ADSL: variants seen among roughly 807,000 people sequenced by gnomAD.
ADSL encodes the protein adenylosuccinase.
Under a neutral mutation model 62.1 loss-of-function variants are expected in ADSL, and 44 were observed. The observed-to-expected ratio is 0.71, with a 90% confidence interval of 0.56 to 0.91. ADSL has a LOEUF of 0.91. Among genes scored for constraint, ADSL ranks in the 40% least tolerant of loss-of-function variants. The probability of loss-of-function intolerance (pLI) is 0.00; values close to 1 mark genes in which losing one functional copy is unlikely to be tolerated. For synonymous variants in ADSL, 198 were observed against 220.5 expected (o/e 0.90, Z 0.90); for missense variants, 531 against 627.4 (o/e 0.85, Z 1.64).
At chr22:40,364,598 G>C in intron 11 of ADSL, 1 of 635,948 alleles carries the variant, frequency 1.6e-6, no homozygotes, top group Admixed American at 2.4e-5. Flanking sequence ...GAAGGAATGA[G>C]GTCTGACATT....
At chr22:40,346,808 C>T in intron 1 of ADSL, 97 bp downstream of exon 1, 2 of 1,319,332 alleles carry the variant, frequency 1.5e-6, no homozygotes, top group Non-Finnish European at 2.1e-6. Flanking sequence ...CACCCCGGAG[C>T]TGCGGCCCGG....
In ADSL at chr22:40,349,941, T is replaced by C. The variant is rs149165656; in HGVS notation, c.263T>C (p.Val88Ala). ...GAAGAGAAACGTTTACGACATGATG[T>C]GATGGCTCACGTGCACACATTTGGC... ...AEEEKRLRHD[V>A]MAHVHTFGHC... The change falls in exon 2 of 13, where the codon GTG (valine) becomes GCG (alanine). Residue 88 changes from valine to alanine, a missense_variant. Val to Ala is a moderately conservative substitution (Grantham distance 64). Transcript: ENST00000623063. The C allele has an allele frequency of 1.2e-6, 2 of 1,614,188 alleles. No individual in the cohort carries two copies. Among genetic ancestry groups the C allele is most frequent in the Non-Finnish European group, 1.7e-6 (2 of 1,180,030 alleles).
At chr22:40,375,354 C>T (rs1040002291) in intron 2 of ADSL, among the ~76,000 whole-genome samples, 4 of 151,896 alleles carry the variant, frequency 2.6e-5, no homozygotes, top group Admixed American at 6.6e-5. Context: ...CCGAGGTAGG[C>T]GGATCACCTA....
chr22:40,352,534 GA>G (rs771223049), intron 2 of ADSL, among the ~76,000 whole-genome samples: 1 of 150,048 alleles, frequency 6.7e-6, no homozygotes, highest in East Asian at 1.9e-4. Flanking sequence ...ATCTTAAAAA[GA>G]AAAAAAAAGA....
At chr22:40,387,236 C>T (rs1414323905) in intron 2 of ADSL, 2 of 398,436 alleles carry the variant, frequency 5.0e-6, no homozygotes, top group Admixed American at 4.4e-5. Flanking sequence ...TCTGATACCT[C>T]CGTCTACTCA....
intron 2 of ADSL, among the ~76,000 whole-genome samples, chr22:40,386,169 C>T (rs2048410811): frequency 1.3e-5 from 2 of 151,980 alleles, no homozygotes; most frequent in African/African-American, 4.8e-5. Flanking sequence ...TGTGAGCCAC[C>T]ACCTCTCCCA....
chr22:40,346,671 C>G lies in ADSL; in HGVS notation c.113C>G (p.Thr38Arg), dbSNP rs747976292. 6.2e-7 allele frequency: 1 copy of G among 1,612,918 alleles called. No individual in the cohort carries two copies. The highest frequency in any genetic ancestry group is 8.5e-7 in the Non-Finnish European group (1 of 1,179,724). ...TTTAGCGACAGGTATAAATTCCGGA[C>G]ATGGCGGCAGCTGTGGCTGTGGCTG... ...FVFSDRYKFR[T>R]WRQLWLWLAE... Residue 38 changes from threonine to arginine, a missense_variant, in exon 1 of 13, where the codon ACA becomes AGA. Thr to Arg is a moderately conservative substitution (Grantham distance 71). Around this residue, in one of 2 missense-constraint regions of ADSL, gnomAD observed 471 missense variants for 592.9 expected, o/e 0.79. Coordinates refer to ENST00000623063, the MANE Select transcript of ADSL (RefSeq NM_000026.4).
chr22:40,374,902 C>G (rs183216221), intron 2 of ADSL, among the ~76,000 whole-genome samples: 3 of 152,196 alleles, frequency 2.0e-5, no homozygotes, highest in Admixed American at 2.0e-4. Flanking sequence ...CACATTGTAC[C>G]AGTACTATCA....
chr22:40,361,546 T>TG lies in ADSL; in HGVS notation c.922dup (p.Ala308GlyfsTer21). 1 of 1,614,244 alleles carries TG rather than the reference T, an allele frequency of 6.2e-7. No homozygotes were observed. The highest frequency in any genetic ancestry group is 8.5e-7 in the Non-Finnish European group (1 of 1,180,048). On this transcript the variant is annotated frameshift_variant, in exon 9 of 13. Coordinates refer to ENST00000623063, the MANE Select transcript of ADSL (RefSeq NM_000026.4). LOFTEE classifies it high-confidence loss of function. Reference sequence around the variant, plus strand: ...TGCGTTCAGAACGTTGCTGCAGTCTTGCCCGCCACCTGATGACCCTTGTCA... The same window carrying TG: ...TGCGTTCAGAACGTTGCTGCAGTCTTGGCCCGCCACCTGATGACCCTTGTCA...
In ADSL at chr22:40,361,804, A is replaced by G. The variant is rs143201904; in HGVS notation, c.1010+169A>G. Reference sequence around the variant, plus strand: ...AAAGGACAGTGTGATAAGTGTTACAATTGGAGTGTGTACTGGGTACTGTGG... The same window carrying G: ...AAAGGACAGTGTGATAAGTGTTACAGTTGGAGTGTGTACTGGGTACTGTGG... On this transcript the variant is annotated intron_variant, in intron 9 of 12. Coordinates refer to ENST00000623063, the MANE Select transcript of ADSL (RefSeq NM_000026.4). The G allele has an allele frequency of 4.4e-4, 381 of 874,156 alleles. No individual in the cohort carries two copies. In the African/African-American group the frequency reaches 5.8e-3, roughly 13 times the overall value. 54.1% of individuals were successfully genotyped at this position (874,156 alleles called of 1,614,324 possible).
At chr22:40,379,807 C>T (rs530782837) in intron 2 of ADSL, among the ~76,000 whole-genome samples, 23 of 152,236 alleles carry the variant, frequency 1.5e-4, no homozygotes, top group Non-Finnish European at 3.2e-4. Flanking sequence ...CTCCCAGGCC[C>T]AAGCAATCCT....
At chr22:40,354,161 A>G (rs1362479698) in intron 3 of ADSL, 87 bp from the exon 4 acceptor site, 2 of 1,173,708 alleles carry the variant, frequency 1.7e-6, no homozygotes, top group Non-Finnish European at 2.6e-6. Context: ...CTAATTTTAT[A>G]CAAAATTATC....
chr22:40,365,280 G>T (rs1407774898), intron 12 of ADSL, among the ~76,000 whole-genome samples: 1 of 152,118 alleles, frequency 6.6e-6, no homozygotes, highest in Non-Finnish European at 1.5e-5. Context: ...TGAGTGCAGT[G>T]GTGCTGGGAT....
intron 2 of ADSL, among the ~76,000 whole-genome samples, chr22:40,381,131 A>G (rs2047495259): frequency 6.6e-6 from 1 of 152,056 alleles, no homozygotes; most frequent in African/African-American, 2.4e-5. Flanking sequence ...GAAAAGAGGT[A>G]CACGCTTTTC....
At chr22:40,353,533 C>G in intron 3 of ADSL, 1 of 604,154 alleles carries the variant, frequency 1.7e-6, no homozygotes, top group South Asian at 1.8e-5. Flanking sequence ...ATCCACCCGT[C>G]TTGGCCTTTC....
intron 7 of ADSL, 94 bp from the exon 8 acceptor site, chr22:40,361,179 A>C: frequency 6.8e-6 from 8 of 1,173,964 alleles, no homozygotes; most frequent in East Asian, 2.3e-5. Flanking sequence ...CAGCACACCT[A>C]AGAGCTCATC....
intron 6 of ADSL, 40 bp from the exon 7 acceptor site, chr22:40,360,362 A>G (rs761118542): frequency 9.0e-6 from 14 of 1,558,580 alleles, no homozygotes; most frequent in Admixed American, 1.7e-5. Context: ...CAATGGCTTT[A>G]AAATATTTTA....
intron 4 of ADSL, 33 bp from the exon 5 acceptor site, chr22:40,358,831 T>G: frequency 2.5e-6 from 4 of 1,612,008 alleles, no homozygotes; most frequent in Non-Finnish European, 3.4e-6. Context: ...GGTCTCGGTC[T>G]GAGACTTTCG....
At chr22:40,352,958 G>A (rs1268533916) in intron 2 of ADSL, 115 bp from the exon 3 acceptor site, 12 of 784,066 alleles carry the variant, frequency 1.5e-5, no homozygotes, top group South Asian at 1.4e-4. Context: ...TGGGTTGGTA[G>A]TGGTGATATA....
Sources: allele counts gnomAD v4.1 joint callset (sites outside exome capture counted in the v4.1 genomes callset), GRCh38; gene constraint gnomAD v4.1.1; regional missense constraint gnomAD v4.1.1; transcripts MANE v1.5; gene names NCBI Gene and HGNC (gene_info 2026-07-23, HGNC 2026-07-21).